The following PHGDH variants were observed in gnomAD, a reference collection of about 807,000 sequenced individuals.
PHGDH encodes the protein D-3-phosphoglycerate dehydrogenase.
In PHGDH, 50 loss-of-function variants were observed where a neutral mutation model predicts 52.6. The ratio of observed to expected loss-of-function variants is 0.95; its 90% CI spans 0.76 to 1.20. The LOEUF (loss-of-function observed/expected upper bound fraction) is 1.20. Ranked by LOEUF, PHGDH falls within the 50% of genes most tolerant of loss-of-function variation. The pLI is 0.00. For synonymous variants in PHGDH, 271 were observed against 280.5 expected, an observed-to-expected ratio of 0.97 and a Z score of 0.34; for missense variants, 630 against 684.6, an observed-to-expected ratio of 0.92 and a Z score of 0.89.
intron 1 of PHGDH, among the ~76,000 whole-genome samples, chr1:119,714,145 A>G (rs767041942): frequency 8.5e-5 from 13 of 152,280 alleles, no homozygotes; most frequent in Admixed American, 2.6e-4. Context: ...TGGTCAGCCC[A>G]CTGAAGGGTC....
intron 5 of PHGDH, among the ~76,000 whole-genome samples, chr1:119,733,625 G>A (rs1651803039): frequency 1.3e-5 from 2 of 151,936 alleles, no homozygotes; most frequent in Non-Finnish European, 2.9e-5. Flanking sequence ...TGTGAGCAAT[G>A]GCACCCATCT....
At chr1:119,743,379 G>A (rs1652300334) in intron 11 of PHGDH, among the ~76,000 whole-genome samples, 1 of 152,192 alleles carries the variant, frequency 6.6e-6, no homozygotes, top group Non-Finnish European at 1.5e-5. Flanking sequence ...GGGACATTGA[G>A]TGCAGGTTTC....
At chr1:119,727,888 A>G (rs1409958765) in intron 5 of PHGDH, among the ~76,000 whole-genome samples, 1 of 152,134 alleles carries the variant, frequency 6.6e-6, no homozygotes, top group Non-Finnish European at 1.5e-5. Context: ...ATTGCTGGAG[A>G]AACTCCCTTT....
chr1:119,741,951 C>T, intron 10 of PHGDH, 54 bp downstream of exon 10: 4 of 1,493,096 alleles, frequency 2.7e-6, no homozygotes, highest in South Asian at 2.3e-5. Context: ...CTAGTCTTCT[C>T]CCCCACATTT....
At chr1:119,735,164 A>G (rs906266705) in intron 6 of PHGDH, 131 bp from the exon 7 acceptor site, 2 of 1,186,218 alleles carry the variant, frequency 1.7e-6, no homozygotes, top group Non-Finnish European at 1.2e-6. Context: ...GAGAGCAAAG[A>G]GGCTGCCGTC....
At chr1:119,741,251 A>T (rs1465211179) in intron 9 of PHGDH, among the ~76,000 whole-genome samples, 1 of 152,068 alleles carries the variant, frequency 6.6e-6, no homozygotes, top group African/African-American at 2.4e-5. Context: ...TTGCAGGGAG[A>T]GGGCAGCTAA....
Position 119,744,098 on chromosome 1 carries a change from G to A in PHGDH, c.*58G>A. ...TTTTCTGAAGAAACCCACCCACTGT[G>A]ATCAATAGGGAGAGAAAATCCACAT... On this transcript the variant is annotated 3_prime_UTR_variant, in exon 12 of 12. Transcript: ENST00000641023. 2.0e-6 allele frequency: 3 copies of A among 1,495,056 alleles called. No homozygotes were observed. Among genetic ancestry groups the A allele is most frequent in the East Asian group, 2.3e-5 (1 of 44,318 alleles). The allele number at this position is 1,495,056 out of a possible 1,614,324, so 92.6% of individuals were successfully genotyped here.
At position 119,741,830 on chromosome 1, in the gene PHGDH, A is replaced by G. The variant is rs1170527023; in HGVS notation, c.1142A>G (p.Glu381Gly). The change falls in exon 10 of 12, where the codon GAG (glutamate) becomes GGG (glycine). Residue 381 changes from glutamate to glycine, a missense_variant. By Grantham distance (98) the Glu-to-Gly change is moderately conservative. Transcript: ENST00000641023. Reference sequence around the variant, plus strand: ...GCAGTCATTGTCGGCCTCCTGAAAGAGGCTTCCAAGCAGGCGGATGTGAAC... The same window carrying G: ...GCAGTCATTGTCGGCCTCCTGAAAGGGGCTTCCAAGCAGGCGGATGTGAAC... ...SPAVIVGLLK[E>G]ASKQADVNLV... 6.2e-7 allele frequency: 1 copy of G among 1,613,670 alleles called. No homozygotes were observed. Among genetic ancestry groups the G allele is most frequent in the South Asian group, 1.1e-5 (1 of 91,068 alleles).
Position 119,743,895 on chromosome 1 carries a change from C to A in PHGDH, c.1457C>A (p.Ala486Glu), listed in dbSNP as rs1652326711. Residue 486 changes from alanine to glutamate, a missense_variant, in exon 12 of 12, where the codon GCA (alanine) becomes GAA (glutamate). Physicochemically the swap from Ala to Glu is moderately radical, Grantham distance 107 (BLOSUM62 -1). Coordinates refer to ENST00000641023, the MANE Select transcript of PHGDH (RefSeq NM_006623.4). ...AMLPTMIGLL[A>E]EAGVRLLSYQ... ...TTTCTTCTATTTCCAGGCCTCCTGG[C>A]AGAGGCAGGCGTGCGGCTGCTGTCC... is the stretch of plus-strand genomic sequence containing the variant. The A allele has an allele frequency of 1.1e-5, 17 of 1,612,930 alleles. No homozygotes were observed. The highest frequency in any genetic ancestry group is 1.7e-5 in the Admixed American group (1 of 60,018).
At chr1:119,731,837 G>T (rs1313962303) in intron 5 of PHGDH, among the ~76,000 whole-genome samples, 5 of 152,186 alleles carry the variant, frequency 3.3e-5, no homozygotes, top group Non-Finnish European at 2.9e-5. Flanking sequence ...TCCAAAGACA[G>T]ATACTCTCCA....
chr1:119,742,237 C>G, intron 10 of PHGDH: 1 of 398,878 alleles, frequency 2.5e-6, no homozygotes, highest in South Asian at 2.3e-5. Context: ...CCTCAGGGCT[C>G]CTCATGCCGT....
chr1:119,724,168 T>G (rs187132811), intron 3 of PHGDH, among the ~76,000 whole-genome samples: 207 of 152,250 alleles, frequency 1.4e-3, no homozygotes, highest in Non-Finnish European at 4.4e-4. Context: ...GCACTTCTGT[T>G]GAACAGGCAA....
chr1:119,724,876 G>T (rs866834045), intron 3 of PHGDH: 1 of 456,644 alleles, frequency 2.2e-6, no homozygotes. Flanking sequence ...CTCATCAAAG[G>T]TGCATCAAAA....
At position 119,726,851 on chromosome 1, in the gene PHGDH, G is replaced by T. The variant is rs1326606410; in HGVS notation, c.357G>T (p.Arg119Ser). The T allele has an allele frequency of 6.2e-7, 1 of 1,613,754 alleles. No homozygotes were observed. The change falls in exon 4 of 12, where the codon AGG becomes AGT. Residue 119 changes from arginine to serine, a missense_variant and splice_region_variant. By Grantham distance (110) the Arg-to-Ser change is moderately radical. Transcript: ENST00000641023. ...LTCGMIMCLARQIPQATASMK... is the reference protein window; with the variant it reads ...LTCGMIMCLASQIPQATASMK... ...TCTGAACCTGTGTCTATCCTTGCAG[G>T]CAGATTCCCCAGGCGACGGCTTCGA...
chr1:119,722,137 C>T (rs896489833), intron 2 of PHGDH, among the ~76,000 whole-genome samples: 7 of 152,198 alleles, frequency 4.6e-5, no homozygotes, highest in African/African-American at 1.2e-4. Context: ...AAATGTTAAA[C>T]GATAACCCAT....
At chr1:119,718,790 G>A (rs982608351) in intron 1 of PHGDH, among the ~76,000 whole-genome samples, 1 of 152,186 alleles carries the variant, frequency 6.6e-6, no homozygotes, top group African/African-American at 2.4e-5. Flanking sequence ...ATATGGTATA[G>A]AGTAGATAAA....
At chr1:119,729,497 C>A (rs12064784) in intron 5 of PHGDH, 5,674 of 152,406 alleles carry the variant, frequency 0.037, 168 homozygotes, top group African/African-American at 0.075. Context: ...CCCCATGACT[C>A]CCCTTCCCCA....
chr1:119,734,919 C>G (rs140581018), intron 6 of PHGDH, 153 bp downstream of exon 6: 3 of 850,484 alleles, frequency 3.5e-6, no homozygotes, highest in Non-Finnish European at 3.9e-6. Flanking sequence ...TTAGACACCC[C>G]TACGTTGGAT....
intron 1 of PHGDH, chr1:119,714,424 A>T (rs968200413): frequency 1.3e-4 from 20 of 152,210 alleles, no homozygotes; most frequent in African/African-American, 4.1e-4. Context: ...TTAAGGGGTC[A>T]TGACGAGCAT....
Sources: allele counts gnomAD v4.1 joint callset (sites outside exome capture counted in the v4.1 genomes callset), GRCh38; gene constraint gnomAD v4.1.1; transcripts MANE v1.5; gene names NCBI Gene and HGNC (gene_info 2026-07-23, HGNC 2026-07-21).